The following PCDH15 variants were observed in gnomAD, a reference collection of about 807,000 sequenced individuals.
PCDH15 encodes protocadherin related 15, also known as protocadherin-15.
In PCDH15, 129 loss-of-function variants were observed where a neutral mutation model predicts 178.5. The observed-to-expected ratio is 0.72, with a 90% CI of 0.63 to 0.84. The LOEUF (loss-of-function observed/expected upper bound fraction) is 0.84. Ranked by LOEUF, PCDH15 falls within the 40% of genes least tolerant of loss-of-function variation. PCDH15 has a pLI of 0.00. For missense variants in PCDH15, 2,230 were observed against 2,099.9 expected (o/e 1.06, Z -1.21); for synonymous variants, 800 against 732.0 (o/e 1.09, Z -1.50).
At chr10:54,731,561 T>TATATATATATATATATATAG (rs1566067493) in intron 1 of PCDH15, among the ~76,000 whole-genome samples, 1 of 48,304 alleles carries the variant, frequency 2.1e-5, no homozygotes, top group African/African-American at 7.4e-5. Context: ...TATATATATA[T>TATATATATATATATATATAG]ATACACACAC....
chr10:55,349,968 G>GAT (rs1369705181), intron 2 of PCDH15, among the ~76,000 whole-genome samples: 1 of 151,388 alleles, frequency 6.6e-6, no homozygotes, highest in Non-Finnish European at 1.5e-5. Context: ...TCCATTCCAT[G>GAT]ATATATATAA....
At chr10:55,563,980 G>C (rs559362034) in intron 2 of PCDH15, among the ~76,000 whole-genome samples, 9 of 151,846 alleles carry the variant, frequency 5.9e-5, no homozygotes, top group Non-Finnish European at 1.3e-4. Context: ...ATATGAATAA[G>C]TATATATCTC....
chr10:55,235,934 A>C (rs1054102768), intron 1 of PCDH15, among the ~76,000 whole-genome samples: 2 of 135,868 alleles, frequency 1.5e-5, no homozygotes, highest in African/African-American at 5.4e-5. Context: ...AAAAAAAAAG[A>C]ATCTCCTTCC....
chr10:54,122,026 C>CAG (rs1255538056), intron 15 of PCDH15, among the ~76,000 whole-genome samples: 1 of 150,502 alleles, frequency 6.6e-6, no homozygotes, highest in Non-Finnish European at 1.5e-5. Flanking sequence ...CACACACACA[C>CAG]ACACACAGAG....
rs546747817 is a variant in PCDH15, at chr10:54,081,102, G to A, written c.1998-1678C>T. On this transcript the variant is annotated intron_variant, in intron 16 of 37. Coordinates refer to ENST00000644397, the MANE Select transcript of PCDH15 (RefSeq NM_001384140.1). ...ATTTACGATGAATTACAAAACTCACGTGATAACTGAGTTGATTTCCTACCT... is the reference window on the plus strand; with the variant it reads ...ATTTACGATGAATTACAAAACTCACATGATAACTGAGTTGATTTCCTACCT... Among the ~76,000 whole-genome samples the A allele has an allele frequency of 2.4e-4, 37 of 152,020 alleles. 1 individual carries two copies. In the South Asian group the frequency reaches 5.0e-3, roughly 20 times the overall value.
At chr10:54,756,362 G>A (rs1014106364) in intron 1 of PCDH15, among the ~76,000 whole-genome samples, 3 of 152,044 alleles carry the variant, frequency 2.0e-5, no homozygotes, top group African/African-American at 7.3e-5. Flanking sequence ...TGTCCATTAC[G>A]TAATAAGAGC....
chr10:53,934,173 A>C (rs1373518896), intron 25 of PCDH15, among the ~76,000 whole-genome samples: 5 of 152,112 alleles, frequency 3.3e-5, no homozygotes, highest in Non-Finnish European at 7.4e-5. Context: ...AGAAGATTCA[A>C]CACTTGTATA....
chr10:54,553,107 T>C (rs1297265719), intron 2 of PCDH15, among the ~76,000 whole-genome samples: 1 of 152,196 alleles, frequency 6.6e-6, no homozygotes, highest in Non-Finnish European at 1.5e-5. Context: ...TGACCTCTTT[T>C]AAACACTTCT....
chr10:55,039,402 T>G (rs929606405), intron 2 of PCDH15, among the ~76,000 whole-genome samples: 1 of 152,118 alleles, frequency 6.6e-6, no homozygotes, highest in Non-Finnish European at 1.5e-5. Context: ...TCAGGAAAAT[T>G]TGAAGAATGA....
intron 1 of PCDH15, among the ~76,000 whole-genome samples, chr10:54,742,558 C>T (rs751073693): frequency 6.6e-6 from 1 of 151,906 alleles, no homozygotes; most frequent in Non-Finnish European, 1.5e-5. Flanking sequence ...GAGAAAGGTC[C>T]TAGAATACTG....
intron 2 of PCDH15, among the ~76,000 whole-genome samples, chr10:54,537,034 T>A (rs1444142353): frequency 7.5e-6 from 1 of 133,384 alleles, no homozygotes; most frequent in Non-Finnish European, 1.5e-5. Context: ...GGCGTCTCTC[T>A]CTCGCCCAGG....
chr10:55,373,048 TG>T (rs140356562), intron 2 of PCDH15, among the ~76,000 whole-genome samples: 3,003 of 152,202 alleles, frequency 0.02, 99 homozygotes, highest in African/African-American at 0.068. Flanking sequence ...ATGACTGACC[TG>T]AAAGAATTCT....
At chr10:54,688,490 C>T (rs545599679) in intron 1 of PCDH15, among the ~76,000 whole-genome samples, 4 of 152,078 alleles carry the variant, frequency 2.6e-5, no homozygotes, top group Admixed American at 1.3e-4. Context: ...AATAAATTTC[C>T]GAATCCAAAG....
At chr10:54,826,399 G>C (rs1033862766) in intron 3 of PCDH15, among the ~76,000 whole-genome samples, 4 of 151,796 alleles carry the variant, frequency 2.6e-5, no homozygotes, top group African/African-American at 7.3e-5. Context: ...AGATGTGTGA[G>C]GAGAATATAA....
chr10:54,454,060 T>G (rs1298496017), intron 3 of PCDH15, among the ~76,000 whole-genome samples: 4 of 151,194 alleles, frequency 2.6e-5, no homozygotes, highest in South Asian at 4.2e-4. Flanking sequence ...AGATTAAATA[T>G]AACAGATTTA....
intron 21 of PCDH15, among the ~76,000 whole-genome samples, chr10:53,968,018 T>C (rs2089230651): frequency 6.6e-6 from 1 of 152,076 alleles, no homozygotes; most frequent in African/African-American, 2.4e-5. Flanking sequence ...TGGGGCTTGT[T>C]GGACAGTGGG....
At chr10:55,216,187 C>G (rs912971870) in intron 1 of PCDH15, among the ~76,000 whole-genome samples, 8 of 151,698 alleles carry the variant, frequency 5.3e-5, no homozygotes, top group African/African-American at 1.9e-4. Context: ...TTATATTGCA[C>G]ATCTAGTTTA....
chr10:54,154,258 T>C (rs917453813), intron 13 of PCDH15, among the ~76,000 whole-genome samples: 1 of 152,140 alleles, frequency 6.6e-6, no homozygotes, highest in Non-Finnish European at 1.5e-5. Context: ...AATAGTATTT[T>C]CTGTATTCAT....
intron 35 of PCDH15, among the ~76,000 whole-genome samples, chr10:53,813,854 A>G (rs545585098): frequency 1.3e-5 from 2 of 152,206 alleles, no homozygotes; most frequent in Non-Finnish European, 2.9e-5. Flanking sequence ...AGGAAAACTG[A>G]TATCTAGGTG....
Sources: gnomAD v4.1 joint callset for allele counts (sites outside exome capture counted in the v4.1 genomes callset) on GRCh38, gnomAD v4.1.1 for gene constraint, MANE v1.5 for transcripts, NCBI Gene and HGNC (gene_info 2026-07-23, HGNC 2026-07-21) for gene names.